Variants in TNRC18 observed in about 807,000 individuals in gnomAD.
The protein encoded by TNRC18 is trinucleotide repeat containing 18.
Under a neutral mutation model 226.7 loss-of-function variants are expected in TNRC18, and 69 were observed. That is an observed-to-expected ratio of 0.30 (90% CI 0.25 to 0.37). The LOEUF is 0.37. Among genes scored for constraint, TNRC18 ranks in the 10% least tolerant of loss-of-function variants. TNRC18 has a pLI of 1.00. For missense variants in TNRC18, 4,754 were observed against 4,256.6 expected, an observed-to-expected ratio of 1.12 and a Z score of -3.25; for synonymous variants, 2,449 against 1,927.6, an observed-to-expected ratio of 1.27 and a Z score of -7.09.
At chr7:5,381,616 C>A (rs1779402622) in intron 5 of TNRC18, among the ~76,000 whole-genome samples, 1 of 151,980 alleles carries the variant, frequency 6.6e-6, no homozygotes, top group Non-Finnish European at 1.5e-5. Flanking sequence ...CGGAGTGAGA[C>A]CCTGTTTCCA....
In TNRC18 at chr7:5,328,256, C is replaced by T. The variant is rs559770668; in HGVS notation, c.6148-3008G>A. Among the ~76,000 whole-genome samples, 48 of 152,196 alleles carry T rather than the reference C, an allele frequency of 3.2e-4. 1 individual carries two copies. The South Asian group carries it at 9.8e-3, about 31-fold the overall frequency. ...AAATACTGATGTCCAGGTGTGGTGG[C>T]TCACGCCTGTAATCCCAACGCTTCG... On this transcript the variant is annotated intron_variant, in intron 19 of 29. Coordinates refer to ENST00000430969, the MANE Select transcript of TNRC18 (RefSeq NM_001080495.3).
chr7:5,387,952 C>A lies in TNRC18; in HGVS notation c.1872G>T (p.Ala624=). 1 of 1,597,858 alleles carries A rather than the reference C, an allele frequency of 6.3e-7. No individual in the cohort carries two copies. Residue 624 remains alanine, a synonymous_variant, in exon 5 of 30, where the codon GCG becomes GCT. Transcript: ENST00000430969. ...CTCGGGAGGCACCCGCAGAGGTGGG[C>A]GCAGGCTCGGGTTTCATGGTGCCCA... ...GGLGTMKPEP[A]PTSAGASRAQ... is the part of the protein sequence containing the mutation.
At chr7:5,336,387 T>G (rs553269190) in intron 18 of TNRC18, among the ~76,000 whole-genome samples, 7 of 151,758 alleles carry the variant, frequency 4.6e-5, no homozygotes, top group Non-Finnish European at 8.8e-5. Flanking sequence ...TGCATGAAAA[T>G]TTCACCAGAG....
intron 17 of TNRC18, 82 bp downstream of exon 17, chr7:5,351,737 C>T: frequency 1.4e-6 from 2 of 1,439,196 alleles, no homozygotes; most frequent in Non-Finnish European, 1.8e-6. Context: ...CTCCCGTGCG[C>T]CCACTCGCTT....
Position 5,324,863 on chromosome 7 carries a change from A to C in TNRC18, c.6300+233T>G, listed in dbSNP as rs1788735130. ...ACCCAGGTCTCCTGGTCTCTGTTCC[A>C]GTGTCCCTCGCCCCCGCTAGAGCAG... On this transcript the variant is annotated intron_variant, in intron 20 of 29. Coordinates refer to ENST00000430969, the MANE Select transcript of TNRC18 (RefSeq NM_001080495.3). The surrounding 1 kb of genome is among the most constrained non-coding windows in gnomAD (Gnocchi z 4.8). Among the ~76,000 whole-genome samples the C allele has an allele frequency of 6.6e-6, 1 of 152,180 alleles. No individual in the cohort carries two copies. Among genetic ancestry groups the C allele is most frequent in the Non-Finnish European group, 1.5e-5 (1 of 68,018 alleles).
At chr7:5,412,234 A>G (rs1781887092) in intron 2 of TNRC18, among the ~76,000 whole-genome samples, 1 of 142,460 alleles carries the variant, frequency 7.0e-6, no homozygotes, top group Admixed American at 6.9e-5. Flanking sequence ...TATTCTAAGA[A>G]ATTCCAAATG....
At chr7:5,383,957 ATTTT>A (rs765430615) in intron 5 of TNRC18, among the ~76,000 whole-genome samples, 6 of 78,794 alleles carry the variant, frequency 7.6e-5, no homozygotes, top group African/African-American at 2.1e-4. Context: ...TACCCGGGTG[ATTTT>A]TTTTTTTTTT....
chr7:5,374,762 C>T (rs1206000515), intron 9 of TNRC18, among the ~76,000 whole-genome samples: 2 of 152,248 alleles, frequency 1.3e-5, no homozygotes, highest in African/African-American at 4.8e-5. Flanking sequence ...GGACCTCCAC[C>T]AGGACCCCGG....
chr7:5,329,028 C>T (rs576611983), intron 19 of TNRC18, among the ~76,000 whole-genome samples: 4 of 151,816 alleles, frequency 2.6e-5, no homozygotes, highest in South Asian at 2.1e-4. Context: ...GAAGGCCAGG[C>T]GTGGTGGCTC....
At position 5,307,867 on chromosome 7, in the gene TNRC18, GC is replaced by G; in HGVS notation, c.*238del. 1 of 564,746 alleles carries G rather than the reference GC, an allele frequency of 1.8e-6. No homozygotes were observed. Among genetic ancestry groups the G allele is most frequent in the Non-Finnish European group, 3.2e-6 (1 of 313,714 alleles). 35.0% of individuals were successfully genotyped at this position (564,746 alleles called of 1,614,324 possible). Reference sequence around the variant, plus strand: ...GGCCATACCCTGATAGCTAAGAGGGGCCCCTGTCCTGGGGGCACTGAGGGGT... The same window carrying G: ...GGCCATACCCTGATAGCTAAGAGGGGCCCTGTCCTGGGGGCACTGAGGGGT... On this transcript the variant is annotated 3_prime_UTR_variant, in exon 30 of 30. Coordinates refer to ENST00000430969, the MANE Select transcript of TNRC18 (RefSeq NM_001080495.3).
At chr7:5,374,618 A>C in intron 9 of TNRC18, 134 bp from the exon 10 acceptor site, 1 of 861,550 alleles carries the variant, frequency 1.2e-6, no homozygotes, top group Non-Finnish European at 1.7e-6. Flanking sequence ...CAGGCTGCCC[A>C]CCCCGTCCCA....
intron 5 of TNRC18, 105 bp from the exon 6 acceptor site, chr7:5,378,129 C>T (rs1779135316): frequency 3.6e-6 from 3 of 823,312 alleles, no homozygotes; most frequent in Non-Finnish European, 5.8e-6. Flanking sequence ...AGAGCCCCGA[C>T]GGTCCTGCAC....
At chr7:5,311,762 G>C (rs778104811) in intron 27 of TNRC18, among the ~76,000 whole-genome samples, 1 of 151,838 alleles carries the variant, frequency 6.6e-6, no homozygotes, top group African/African-American at 2.4e-5. Context: ...AAGCTGCAGT[G>C]AGCCACGATG....
rs748885383 is a variant in TNRC18 at position 5,370,843 on chromosome 7, G to C, written c.3751C>G (p.Pro1251Ala). Residue 1251 changes from proline (P) to alanine (A), a missense_variant, in exon 11 of 30, where the codon CCC becomes GCC. Coordinates refer to ENST00000430969, the MANE Select transcript of TNRC18 (RefSeq NM_001080495.3). Reference sequence around the variant, plus strand: ...TCCTTGGCCTCCACCAGTGTCTCGGGTGTCAGCTGCACCCCCAGGTCCAGG... The same window carrying C: ...TCCTTGGCCTCCACCAGTGTCTCGGCTGTCAGCTGCACCCCCAGGTCCAGG... ...AALDLGVQLT[P>A]ETLVEAKEEP... The C allele has an allele frequency of 1.9e-6, 3 of 1,609,194 alleles. No individual in the cohort carries two copies. Among genetic ancestry groups the C allele is most frequent in the East Asian group, 2.2e-5 (1 of 44,866 alleles).
chr7:5,385,292 T>C (rs1302440731), intron 5 of TNRC18, among the ~76,000 whole-genome samples: 2 of 151,786 alleles, frequency 1.3e-5, no homozygotes, highest in Admixed American at 6.6e-5. Flanking sequence ...ATCGAGACCA[T>C]CCTGGCTAAC....
intron 2 of TNRC18, among the ~76,000 whole-genome samples, chr7:5,403,468 C>G (rs1196362169): frequency 1.3e-5 from 2 of 150,314 alleles, no homozygotes; most frequent in African/African-American, 4.8e-5. Flanking sequence ...TTTATCTTCA[C>G]GTTTTAAAAC....
intron 18 of TNRC18, among the ~76,000 whole-genome samples, chr7:5,342,297 C>T (rs1348374360): frequency 6.6e-6 from 1 of 151,870 alleles, no homozygotes; most frequent in Non-Finnish European, 1.5e-5. Flanking sequence ...GGTGTGGTGG[C>T]GGGCACTTGT....
intron 26 of TNRC18, 128 bp from the exon 27 acceptor site, chr7:5,313,991 T>G: frequency 1.9e-6 from 2 of 1,040,550 alleles, no homozygotes; most frequent in Non-Finnish European, 2.5e-6. Flanking sequence ...AGATGGGGTC[T>G]CAGTCACCCA....
chr7:5,374,347 G>A lies in TNRC18; in HGVS notation c.2937C>T (p.Ala979=), dbSNP rs781075139. ...TGCCGTAGGTGCCCGCGGGGCCGGCGGCCAGGCCAGGGGGCTTCCGCGGCA... is the reference window on the plus strand; with the variant it reads ...TGCCGTAGGTGCCCGCGGGGCCGGCAGCCAGGCCAGGGGGCTTCCGCGGCA... ...GLLPRKPPGL[A]AGPAGTYGKA... The change falls in exon 10 of 30, where the codon GCC becomes GCT. Residue 979 remains alanine (A), a synonymous_variant. Transcript: ENST00000430969. The A allele has an allele frequency of 4.3e-5, 61 of 1,424,854 alleles. No individual in the cohort carries two copies. The East Asian group carries it at 8.2e-4, about 19-fold the overall frequency. 88.3% of individuals were successfully genotyped at this position (1,424,854 alleles called of 1,614,324 possible). A position where few individuals can be genotyped will look rare whatever the true frequency, so the allele number is the denominator to read the frequency against.
Sources: gnomAD v4.1 joint callset for allele counts (sites outside exome capture counted in the v4.1 genomes callset) on GRCh38, gnomAD v4.1.1 for gene constraint, Gnocchi (gnomAD v3.1) non-coding constraint, MANE v1.5 for transcripts, NCBI Gene and HGNC (gene_info 2026-07-23, HGNC 2026-07-21) for gene names.